The following COL5A2 variants were observed in gnomAD, a reference collection of about 807,000 sequenced individuals.
COL5A2 encodes collagen alpha-2(V) chain.
COL5A2 carries 23 observed loss-of-function variants against 208.2 expected under a neutral mutation model. The observed-to-expected ratio is 0.11, with a 90% confidence interval of 0.08 to 0.16. The LOEUF is 0.16. Among genes scored for constraint, COL5A2 ranks in the 10% least tolerant of loss-of-function variants. The probability of loss-of-function intolerance (pLI) is 1.00; values close to 1 mark genes in which losing one functional copy is unlikely to be tolerated. For missense variants in COL5A2, 1,590 were observed against 1,956.4 expected, an observed-to-expected ratio of 0.81 and a Z score of 3.53; for synonymous variants, 625 against 628.5, an observed-to-expected ratio of 0.99 and a Z score of 0.08.
chr2:189,047,645 T>C (rs57547130), intron 45 of COL5A2, among the ~76,000 whole-genome samples: 1 of 152,096 alleles, frequency 6.6e-6, no homozygotes, highest in African/African-American at 2.4e-5. Context: ...AATTACATCA[T>C]AACAGACTTT....
At position 189,032,040 on chromosome 2, in the gene COL5A2, T is replaced by C. The variant is rs1430635644; in HGVS notation, c.*2030A>G. The C allele has an allele frequency of 6.6e-6, 1 of 152,154 alleles. No individual in the cohort carries two copies. The highest frequency in any genetic ancestry group is 2.4e-5 in the African/African-American group (1 of 41,442). The allele number at this position is 152,154 out of a possible 1,614,324, so 9.4% of individuals were successfully genotyped here. A position where few individuals can be genotyped will look rare whatever the true frequency, so the allele number is the denominator to read the frequency against. ...ATCTATATGAACTTATATAATCTTA[T>C]AGTTTGGACTTGGAAGTCAAACAAA... On this transcript the variant is annotated 3_prime_UTR_variant, in exon 54 of 54. Transcript: ENST00000374866.
intron 18 of COL5A2, among the ~76,000 whole-genome samples, chr2:189,069,831 A>C (rs998273182): frequency 3.9e-5 from 6 of 152,328 alleles, no homozygotes; most frequent in Admixed American, 3.9e-4. Flanking sequence ...CCGACCTTCA[A>C]GAAAGCATTT....
intron 2 of COL5A2, 88 bp from the exon 3 acceptor site, chr2:189,104,365 T>C: frequency 1.0e-6 from 1 of 963,856 alleles, no homozygotes; most frequent in Non-Finnish European, 1.7e-6. Flanking sequence ...AATAGATTTC[T>C]TCTGGAGTCA....
At chr2:189,333,207 T>C in the COL5A2 span, among the ~76,000 whole-genome samples, 39 of 152,122 alleles carry the variant, frequency 2.6e-4, no homozygotes, top group African/African-American at 9.2e-4. Context: ...AATTTAAAGA[T>C]AGAAATAGAA....
chr2:189,045,401 T>C (rs942744831), intron 46 of COL5A2, among the ~76,000 whole-genome samples, 169 bp from the exon 47 acceptor site: 4 of 152,022 alleles, frequency 2.6e-5, no homozygotes, highest in South Asian at 2.1e-4. Flanking sequence ...ATCAGGCAAA[T>C]GTCCATGTGT....
intron 1 of COL5A2, among the ~76,000 whole-genome samples, chr2:189,113,403 A>G (rs1047151689): frequency 6.6e-6 from 1 of 152,116 alleles, no homozygotes; most frequent in Non-Finnish European, 1.5e-5. Context: ...ACTGCACTCC[A>G]TCTTGAGCAA....
the COL5A2 span, among the ~76,000 whole-genome samples, chr2:189,332,459 C>T: frequency 1.3e-5 from 2 of 152,206 alleles, no homozygotes; most frequent in Non-Finnish European, 2.9e-5. Context: ...CCAACCAAAT[C>T]GCATCTTGAA....
the COL5A2 span, among the ~76,000 whole-genome samples, chr2:189,305,457 G>A: frequency 6.6e-6 from 1 of 152,196 alleles, no homozygotes; most frequent in East Asian, 1.9e-4. Flanking sequence ...TGGCCCTTCT[G>A]CCTTTCACCA....
At chr2:189,411,209 CTTCT>C in the COL5A2 span, among the ~76,000 whole-genome samples, 8 of 152,096 alleles carry the variant, frequency 5.3e-5, no homozygotes, top group African/African-American at 1.4e-4. Context: ...TCTGTAAAGT[CTTCT>C]TTATTTTCTC....
chr2:189,435,124 T>A, the COL5A2 span, among the ~76,000 whole-genome samples: 3 of 152,236 alleles, frequency 2.0e-5, no homozygotes, highest in East Asian at 1.9e-4. Flanking sequence ...GCTAGCCATA[T>A]GTAGAAAGCT....
intron 13 of COL5A2, 26 bp from the exon 14 acceptor site, chr2:189,080,057 T>C: frequency 6.3e-7 from 1 of 1,596,164 alleles, no homozygotes. Flanking sequence ...TAAATTTGTA[T>C]TTGTATCCTG....
the COL5A2 span, among the ~76,000 whole-genome samples, chr2:189,255,913 G>A: frequency 6.6e-6 from 1 of 152,146 alleles, no homozygotes; most frequent in Non-Finnish European, 1.5e-5. Context: ...GAAAAGAGAT[G>A]AAGAATCTTC....
At chr2:189,426,229 G>A in the COL5A2 span, among the ~76,000 whole-genome samples, 68 of 152,252 alleles carry the variant, frequency 4.5e-4, no homozygotes, top group Non-Finnish European at 7.6e-4. Flanking sequence ...CCAGACTGAG[G>A]AGGTCTCAGA....
the COL5A2 span, among the ~76,000 whole-genome samples, chr2:189,372,480 G>A: frequency 1.1e-4 from 16 of 151,942 alleles, no homozygotes; most frequent in African/African-American, 4.8e-5. Context: ...TTTTTAAACT[G>A]TCTAATATTC....
intron 1 of COL5A2, among the ~76,000 whole-genome samples, chr2:189,124,695 C>A (rs1687574759): frequency 6.7e-6 from 1 of 148,838 alleles, no homozygotes; most frequent in Non-Finnish European, 1.5e-5. Context: ...TTTCTGAAGT[C>A]TGAACTAGTA....
At chr2:189,226,474 A>G (rs1689421076), upstream of COL5A2, among the ~76,000 whole-genome samples, 1 of 152,130 alleles carries the variant, frequency 6.6e-6, no homozygotes, top group African/African-American at 2.4e-5. Flanking sequence ...CCCTCTCACC[A>G]TAGTCCTTCT....
At chr2:189,401,151 T>C in the COL5A2 span, among the ~76,000 whole-genome samples, 3 of 152,184 alleles carry the variant, frequency 2.0e-5, no homozygotes, top group Admixed American at 2.0e-4. Flanking sequence ...GATCATCCCA[T>C]CACCTAGATA....
the COL5A2 span, among the ~76,000 whole-genome samples, chr2:189,337,659 AG>A: frequency 6.6e-6 from 1 of 152,144 alleles, no homozygotes. Flanking sequence ...GAAGAACAGA[AG>A]GGGTTACAAT....
Position 189,058,026 on chromosome 2 carries a change from A to G in COL5A2, c.2229+403T>C, listed in dbSNP as rs377672581. Among the ~76,000 whole-genome samples, 16 of 152,342 alleles carry G rather than the reference A, an allele frequency of 1.1e-4. No homozygotes were observed. In the East Asian group the frequency reaches 1.5e-3, roughly 15 times the overall value. ...GATTTTAAAAGTTCCATATTTTCAC[A>G]TATGTAGTAAGCAGAATTGTGAAAC... On this transcript the variant is annotated intron_variant, in intron 33 of 53. Coordinates refer to ENST00000374866, the MANE Select transcript of COL5A2 (RefSeq NM_000393.5).
Sources: gnomAD v4.1 joint callset for allele counts (sites outside exome capture counted in the v4.1 genomes callset) on GRCh38, gnomAD v4.1.1 for gene constraint, MANE v1.5 for transcripts, NCBI Gene and HGNC (gene_info 2026-07-23, HGNC 2026-07-21) for gene names.